Variants in ANO4 observed in about 807,000 individuals in gnomAD.
ANO4 encodes the protein anoctamin 4, also known as anoctamin-4.
A neutral mutation model predicts 141.9 loss-of-function variants in ANO4; 69 were observed. That is an observed-to-expected ratio of 0.49 (90% CI 0.40 to 0.59). The LOEUF is 0.59. Among genes scored for constraint, ANO4 ranks in the 20% least tolerant of loss-of-function variants. The pLI, the probability that ANO4 is intolerant of heterozygous loss-of-function variation, is 0.00. For synonymous variants in ANO4, 350 were observed against 394.3 expected, an observed-to-expected ratio of 0.89 and a Z score of 1.33; for missense variants, 894 against 1,162.2, an observed-to-expected ratio of 0.77 and a Z score of 3.36.
intron 11 of ANO4, among the ~76,000 whole-genome samples, 196 bp downstream of exon 11, chr12:101,040,272 T>C (rs2047362861): frequency 6.6e-6 from 1 of 152,198 alleles, no homozygotes; most frequent in Non-Finnish European, 1.5e-5. Flanking sequence ...CTGATGAGGA[T>C]GGAATTTCCC....
chr12:100,799,809 G>A (rs1322980556), intron 1 of ANO4, among the ~76,000 whole-genome samples: 2 of 152,154 alleles, frequency 1.3e-5, no homozygotes, highest in African/African-American at 4.8e-5. Context: ...TTAAGGAAGT[G>A]ATATGACTTC....
At chr12:100,916,249 T>C (rs1371936271) in intron 2 of ANO4, among the ~76,000 whole-genome samples, 1 of 152,166 alleles carries the variant, frequency 6.6e-6, no homozygotes, top group Non-Finnish European at 1.5e-5. Flanking sequence ...ACTTTGATAT[T>C]TTGTTTATTA....
At chr12:100,980,734 C>CTCATGTAGT (rs1245280748) in intron 7 of ANO4, among the ~76,000 whole-genome samples, 2 of 152,160 alleles carry the variant, frequency 1.3e-5, no homozygotes, top group Non-Finnish European at 2.9e-5. Context: ...ATAAAGCATA[C>CTCATGTAGT]TCATGTAGTT....
intron 3 of ANO4, among the ~76,000 whole-genome samples, chr12:100,747,066 A>G (rs772706424): frequency 6.6e-6 from 1 of 152,160 alleles, no homozygotes; most frequent in Non-Finnish European, 1.5e-5. Flanking sequence ...CCTGCACCCA[A>G]CAGACGTCAG....
intron 8 of ANO4, among the ~76,000 whole-genome samples, chr12:100,994,573 A>T (rs1180926846): frequency 6.6e-6 from 1 of 152,204 alleles, no homozygotes; most frequent in Admixed American, 6.5e-5. Flanking sequence ...AGACAGAAAA[A>T]TGTTCTCCCC....
chr12:100,913,219 A>G (rs2041192216), intron 2 of ANO4, among the ~76,000 whole-genome samples: 1 of 152,224 alleles, frequency 6.6e-6, no homozygotes, highest in Non-Finnish European at 1.5e-5. Flanking sequence ...ATCATTTTAC[A>G]ACCTTTTGAG....
intron 7 of ANO4, among the ~76,000 whole-genome samples, chr12:100,977,186 G>A (rs1422458086): frequency 1.3e-5 from 2 of 152,218 alleles, no homozygotes; most frequent in African/African-American, 2.4e-5. Flanking sequence ...ATAATTACAT[G>A]TAATAATTAT....
chr12:100,797,481 G>A (rs1187256566), intron 1 of ANO4, among the ~76,000 whole-genome samples: 3 of 152,102 alleles, frequency 2.0e-5, no homozygotes, highest in Non-Finnish European at 2.9e-5. Context: ...TGTGCTGAGC[G>A]GAGCCTGTAG....
At chr12:101,120,378 G>C (rs939156945) in intron 25 of ANO4, 142 bp from the exon 26 acceptor site, 1 of 685,364 alleles carries the variant, frequency 1.5e-6, no homozygotes, top group East Asian at 2.8e-5. Context: ...AAAAATGCTG[G>C]ACAAGCAAAA....
chr12:100,746,630 A>G (rs966902471), intron 3 of ANO4, among the ~76,000 whole-genome samples: 2 of 152,232 alleles, frequency 1.3e-5, no homozygotes, highest in Admixed American at 6.5e-5. Flanking sequence ...GGCAGGAGGT[A>G]TCACAGGCAT....
chr12:100,944,974 C>T (rs754637524), intron 5 of ANO4, among the ~76,000 whole-genome samples: 5 of 152,116 alleles, frequency 3.3e-5, no homozygotes, highest in East Asian at 1.9e-4. Context: ...ATTTTAATGG[C>T]GATTTCAGCT....
chr12:101,115,061 G>C (rs1226860593), intron 24 of ANO4, among the ~76,000 whole-genome samples: 3 of 152,024 alleles, frequency 2.0e-5, no homozygotes, highest in Non-Finnish European at 4.4e-5. Flanking sequence ...GTGTTCAGCA[G>C]CTTGGAATAA....
intron 5 of ANO4, among the ~76,000 whole-genome samples, chr12:100,962,955 A>G (rs2043490241): frequency 6.6e-6 from 1 of 152,206 alleles, no homozygotes; most frequent in Non-Finnish European, 1.5e-5. Context: ...GGTAGAATCA[A>G]TAAGACTTGG....
Position 100,942,469 on chromosome 12 carries a change from C to T in ANO4, c.390C>T (p.Pro130=), listed in dbSNP as rs1237315145. ...TCCTTGTGTACAGAAAATCCAACCCCCAGACTGAAAAGAGAGAAGTATTTG... is the reference window on the plus strand; with the variant it reads ...TCCTTGTGTACAGAAAATCCAACCCTCAGACTGAAAAGAGAGAAGTATTTG... ...DYILVYRKSN[P]QTEKREVFER... is the part of the protein sequence containing the mutation. The change falls in exon 5 of 28, where the codon CCC becomes CCT. Residue 130 remains proline, a synonymous_variant. Coordinates refer to ENST00000392977, the MANE Select transcript of ANO4 (RefSeq NM_001286615.2). 3.0e-5 allele frequency: 49 copies of T among 1,613,934 alleles called. No individual in the cohort carries two copies. Among genetic ancestry groups the T allele is most frequent in the Non-Finnish European group, 4.2e-5 (49 of 1,179,978 alleles).
intron 1 of ANO4, among the ~76,000 whole-genome samples, chr12:100,843,501 A>G (rs1281003972): frequency 6.6e-6 from 1 of 152,142 alleles, no homozygotes; most frequent in South Asian, 2.1e-4. Context: ...CCAAACTTAC[A>G]TATTCAAACA....
intron 22 of ANO4, among the ~76,000 whole-genome samples, chr12:101,110,201 A>G (rs963980347): frequency 6.6e-6 from 1 of 152,148 alleles, no homozygotes; most frequent in African/African-American, 2.4e-5. Flanking sequence ...GTGTGCTCAT[A>G]GCTCCCAGGA....
At chr12:100,734,089 T>C (rs1021447365) in intron 2 of ANO4, among the ~76,000 whole-genome samples, 8 of 152,350 alleles carry the variant, frequency 5.3e-5, no homozygotes, top group Admixed American at 5.2e-4. Flanking sequence ...TAAGAAGTCA[T>C]CTCTTGTTCC....
At chr12:101,027,964 A>T (rs1266104600) in intron 9 of ANO4, among the ~76,000 whole-genome samples, 1 of 152,170 alleles carries the variant, frequency 6.6e-6, no homozygotes, top group African/African-American at 2.4e-5. Context: ...TCCCAGAAGA[A>T]GGAGCAGGCA....
rs539369228 is a variant in ANO4 at position 101,099,070 on chromosome 12, A to G, written c.2007-508A>G. Among the ~76,000 whole-genome samples the G allele has an allele frequency of 3.3e-5, 5 of 152,262 alleles. No homozygotes were observed. In the South Asian group the frequency reaches 8.3e-4, roughly 25 times the overall value. The stretch of plus-strand genomic sequence containing the variant: ...ACTGGGAGTCAGAGTCCCTGTGGAG[A>G]GCTCATGCCAAAAGCAAACAAGTCC... On this transcript the variant is annotated intron_variant, in intron 21 of 27. Transcript: ENST00000392977.
Sources: gnomAD v4.1 joint callset for allele counts (sites outside exome capture counted in the v4.1 genomes callset) on GRCh38, gnomAD v4.1.1 for gene constraint, MANE v1.5 for transcripts, NCBI Gene and HGNC (gene_info 2026-07-23, HGNC 2026-07-21) for gene names.